The following TEAD1 variants were observed in gnomAD, a reference collection of about 807,000 sequenced individuals.
The protein encoded by TEAD1 is TEA domain transcription factor 1.
Under a neutral mutation model 54.9 loss-of-function variants are expected in TEAD1, and 9 were observed. The ratio of observed to expected loss-of-function variants is 0.16; its 90% CI spans 0.10 to 0.29. The LOEUF (loss-of-function observed/expected upper bound fraction) is 0.29. TEAD1 is among the 10% of genes least tolerant of loss of function. TEAD1 has a pLI of 1.00. For missense variants in TEAD1, 387 were observed against 535.9 expected, an observed-to-expected ratio of 0.72 and a Z score of 2.74; for synonymous variants, 200 against 187.8, an observed-to-expected ratio of 1.07 and a Z score of -0.53.
At chr11:12,839,668 A>T (rs1401202668) in intron 3 of TEAD1, among the ~76,000 whole-genome samples, 1 of 152,174 alleles carries the variant, frequency 6.6e-6, no homozygotes, top group Non-Finnish European at 1.5e-5. Context: ...GGCGGGGGTT[A>T]TCAGAGCAGG....
At chr11:12,703,023 C>T (rs945974492) in intron 2 of TEAD1, among the ~76,000 whole-genome samples, 3 of 152,134 alleles carry the variant, frequency 2.0e-5, no homozygotes, top group South Asian at 2.1e-4. Flanking sequence ...CCAGGCCTGC[C>T]GGCTCCAGGT....
intron 3 of TEAD1, among the ~76,000 whole-genome samples, chr11:12,844,416 A>AG (rs1346033040): frequency 2.6e-5 from 4 of 152,078 alleles, no homozygotes; most frequent in African/African-American, 9.7e-5. Flanking sequence ...TTTATGTTTG[A>AG]GGGGATGATG....
intron 5 of TEAD1, among the ~76,000 whole-genome samples, chr11:12,866,615 C>T (rs1260977813): frequency 6.6e-6 from 1 of 152,210 alleles, no homozygotes; most frequent in Non-Finnish European, 1.5e-5. Context: ...CCCTGACTTT[C>T]AGCCCTGGGC....
At chr11:12,869,626 A>G (rs1947697229) in intron 5 of TEAD1, among the ~76,000 whole-genome samples, 1 of 152,208 alleles carries the variant, frequency 6.6e-6, no homozygotes, top group South Asian at 2.1e-4. Context: ...CAGAAAATAT[A>G]TTAAACACTC....
intron 3 of TEAD1, among the ~76,000 whole-genome samples, chr11:12,836,344 G>C (rs563728381): frequency 1.3e-5 from 2 of 151,924 alleles, no homozygotes; most frequent in African/African-American, 2.4e-5. Context: ...GGCGTGAACC[G>C]GGCAGGCGGA....
intron 9 of TEAD1, among the ~76,000 whole-genome samples, chr11:12,887,361 C>G (rs1208177495): frequency 2.0e-5 from 3 of 152,182 alleles, no homozygotes; most frequent in South Asian, 2.1e-4. Flanking sequence ...TCCCAAAGTG[C>G]TGGGATTACA....
chr11:12,857,613 T>A (rs1947417070), intron 3 of TEAD1, among the ~76,000 whole-genome samples: 1 of 151,108 alleles, frequency 6.6e-6, no homozygotes, highest in Admixed American at 6.6e-5. Context: ...TGTGTGTGTG[T>A]TAGAAGATCA....
At chr11:12,882,856 C>A (rs899595759) in intron 8 of TEAD1, 145 bp from the exon 9 acceptor site, 2 of 1,194,338 alleles carry the variant, frequency 1.7e-6, no homozygotes, top group South Asian at 1.3e-5. Context: ...CAGCATCTGT[C>A]GTCTGAGTTA....
chr11:12,776,919 G>A (rs1030703119), intron 3 of TEAD1, among the ~76,000 whole-genome samples: 3 of 151,550 alleles, frequency 2.0e-5, no homozygotes, highest in South Asian at 2.1e-4. Flanking sequence ...CTCAGCCTCC[G>A]CAGTGGCTGG....
At chr11:12,763,417 A>G (rs948674616) in intron 2 of TEAD1, among the ~76,000 whole-genome samples, 4 of 152,248 alleles carry the variant, frequency 2.6e-5, no homozygotes, top group African/African-American at 9.6e-5. Context: ...GACTGGGGAC[A>G]GCTTGGTCCC....
At chr11:12,682,518 G>T (rs554786497) in intron 2 of TEAD1, among the ~76,000 whole-genome samples, 1 of 152,184 alleles carries the variant, frequency 6.6e-6, no homozygotes, top group Non-Finnish European at 1.5e-5. Context: ...TATGCCTGGT[G>T]TTGGGAAATG....
intron 10 of TEAD1, among the ~76,000 whole-genome samples, chr11:12,913,563 G>A (rs1948656058): frequency 6.6e-6 from 1 of 152,176 alleles, no homozygotes; most frequent in African/African-American, 2.4e-5. Flanking sequence ...TTACAGCAAT[G>A]AGAATTTGAG....
intron 2 of TEAD1, among the ~76,000 whole-genome samples, chr11:12,711,884 C>G (rs1943946104): frequency 6.6e-6 from 1 of 152,152 alleles, no homozygotes; most frequent in Non-Finnish European, 1.5e-5. Context: ...TGGTCCCTGA[C>G]TCTTGGTTAG....
At chr11:12,871,653 C>T (rs1049246806) in intron 5 of TEAD1, among the ~76,000 whole-genome samples, 2 of 152,114 alleles carry the variant, frequency 1.3e-5, no homozygotes, top group African/African-American at 4.8e-5. Flanking sequence ...CAGAAGCTCA[C>T]GGTAGCCACA....
At chr11:12,778,529 C>CTTT (rs775536398) in intron 3 of TEAD1, among the ~76,000 whole-genome samples, 8 of 125,798 alleles carry the variant, frequency 6.4e-5, no homozygotes, top group East Asian at 4.8e-4. Context: ...TCATCAGACT[C>CTTT]TTTTTTTTTT....
intron 4 of TEAD1, 134 bp downstream of exon 4, chr11:12,862,448 G>A (rs1947525338): frequency 1.3e-6 from 1 of 759,416 alleles, no homozygotes; most frequent in Non-Finnish European, 2.3e-6. Context: ...AGTGTTGGAG[G>A]TATTTTAAAT....
At chr11:12,805,156 T>C (rs1366400884) in intron 3 of TEAD1, among the ~76,000 whole-genome samples, 1 of 152,194 alleles carries the variant, frequency 6.6e-6, no homozygotes, top group African/African-American at 2.4e-5. Context: ...GTCAACAATA[T>C]AATGAATCTC....
intron 10 of TEAD1, among the ~76,000 whole-genome samples, chr11:12,908,129 G>C (rs1328358992): frequency 3.3e-5 from 5 of 152,076 alleles, no homozygotes. Flanking sequence ...TCTTAGAGTA[G>C]GAACATGATT....
intron 3 of TEAD1, among the ~76,000 whole-genome samples, chr11:12,861,543 G>A (rs1947503982): frequency 1.3e-5 from 2 of 152,204 alleles, no homozygotes; most frequent in Admixed American, 1.3e-4. Context: ...GAATAAGAAG[G>A]AAAGTGAATA....
Sources: allele counts gnomAD v4.1 joint callset (sites outside exome capture counted in the v4.1 genomes callset), GRCh38; gene constraint gnomAD v4.1.1; transcripts MANE v1.5; gene names NCBI Gene and HGNC (gene_info 2026-07-23, HGNC 2026-07-21).